SMARCA2: variants seen among roughly 807,000 people sequenced by gnomAD.
The protein encoded by SMARCA2 is SWI/SNF-related matrix-associated actin-dependent regulator of chromatin subfamily A member 2.
In SMARCA2, 61 loss-of-function variants were observed where a neutral mutation model predicts 199.8. The observed-to-expected ratio is 0.31, with a 90% CI of 0.25 to 0.38. The LOEUF (loss-of-function observed/expected upper bound fraction) is 0.38. Ranked by LOEUF, SMARCA2 falls within the 10% of genes least tolerant of loss-of-function variation. The pLI is 1.00. For synonymous variants in SMARCA2, 935 were observed against 732.0 expected, an observed-to-expected ratio of 1.28 and a Z score of -4.48; for missense variants, 1,344 against 2,012.2, an observed-to-expected ratio of 0.67 and a Z score of 6.35.
rs114450854 is a variant in SMARCA2 at position 2,103,905 on chromosome 9, A to G, written c.3126-98A>G. 5.6e-4 allele frequency: 491 copies of G among 870,406 alleles called. 2 individuals carry two copies. In the African/African-American group the frequency reaches 7.7e-3, roughly 14 times the overall value. 53.9% of individuals were successfully genotyped at this position (870,406 alleles called of 1,614,324 possible). ...TCACAGTTACTTATTGAATGTTTAC[A>G]GTGTACAAAGGACTATATGAAAAGC... On this transcript the variant is annotated intron_variant, in intron 22 of 33. Coordinates refer to ENST00000349721, the MANE Select transcript of SMARCA2 (RefSeq NM_003070.5).
intron 4 of SMARCA2, chr9:2,044,908 T>G (rs1385749449): frequency 1.3e-5 from 2 of 152,196 alleles, no homozygotes; most frequent in African/African-American, 4.8e-5. Flanking sequence ...AGGCGGTCCA[T>G]GCATATATCA....
chr9:2,123,957 C>G lies in SMARCA2; in HGVS notation c.3981+20C>G. The G allele has an allele frequency of 4.5e-6, 7 of 1,540,756 alleles. No homozygotes were observed. Among genetic ancestry groups the G allele is most frequent in the Non-Finnish European group, 4.4e-6 (5 of 1,137,700 alleles). On this transcript the variant is annotated intron_variant, in intron 27 of 33. Coordinates refer to ENST00000349721, the MANE Select transcript of SMARCA2 (RefSeq NM_003070.5). The surrounding 1 kb of genome is among the most constrained non-coding windows in gnomAD (Gnocchi z 4.1). The stretch of plus-strand genomic sequence containing the variant: ...CTAAGGGTAAGCCTAGCTTTTCTAA[C>G]CCGCTCTCACTAGGTGGAGGGTTTT...
In SMARCA2 at chr9:2,192,852, T is replaced by C. The variant is rs1827984477; in HGVS notation, c.*113T>C. On this transcript the variant is annotated 3_prime_UTR_variant, in exon 34 of 34. Coordinates refer to ENST00000349721, the MANE Select transcript of SMARCA2 (RefSeq NM_003070.5). ...CTGGGTTGTTTCTATATCATCATCG[T>C]CTATAAACTAGCTTTAGGATAGTGC... The C allele has an allele frequency of 1.3e-6, 1 of 770,718 alleles. No homozygotes were observed. The highest frequency in any genetic ancestry group is 2.1e-5 in the Admixed American group (1 of 48,172). The allele number at this position is 770,718 out of a possible 1,614,324, so 47.7% of individuals were successfully genotyped here.
intron 27 of SMARCA2, among the ~76,000 whole-genome samples, chr9:2,140,748 A>C (rs892216224): frequency 2.0e-5 from 3 of 152,188 alleles, no homozygotes; most frequent in Non-Finnish European, 4.4e-5. Flanking sequence ...CATTACATTC[A>C]GAATTATTTT....
rs1021896778 is a variant in SMARCA2, at chr9:2,040,024, C to G, written c.790+124C>G. The G allele has an allele frequency of 2.7e-6, 4 of 1,492,664 alleles. No individual in the cohort carries two copies. In the African/African-American group the frequency reaches 4.2e-5, roughly 16 times the overall value. 92.5% of individuals were successfully genotyped at this position (1,492,664 alleles called of 1,614,324 possible). On this transcript the variant is annotated intron_variant, in intron 4 of 33. Coordinates refer to ENST00000349721, the MANE Select transcript of SMARCA2 (RefSeq NM_003070.5). Reference sequence around the variant, plus strand: ...GTAGCCTTTTGTTATACCTCACTGGCTCTCTATCCTTGCTCCACTTAGATG... The same window carrying G: ...GTAGCCTTTTGTTATACCTCACTGGGTCTCTATCCTTGCTCCACTTAGATG...
intron 5 of SMARCA2, among the ~76,000 whole-genome samples, chr9:2,053,764 G>A (rs1433289975): frequency 6.6e-6 from 1 of 152,170 alleles, no homozygotes; most frequent in Non-Finnish European, 1.5e-5. Context: ...ATAGGATTCA[G>A]GTGAACTCTA....
At chr9:2,157,805 C>T (rs1018620570) in intron 27 of SMARCA2, 1 of 398,080 alleles carries the variant, frequency 2.5e-6, no homozygotes, top group Non-Finnish European at 4.4e-6. Flanking sequence ...CCACGCATAA[C>T]AGCAATTCTT....
At chr9:2,108,383 C>T (rs1050101147) in intron 23 of SMARCA2, among the ~76,000 whole-genome samples, 1 of 152,226 alleles carries the variant, frequency 6.6e-6, no homozygotes, top group Non-Finnish European at 1.5e-5. Flanking sequence ...ACAAAAATAA[C>T]AAAAAGCAAG....
At chr9:2,181,361 G>T (rs577449115) in intron 29 of SMARCA2, 125 of 442,020 alleles carry the variant, frequency 2.8e-4, no homozygotes, top group African/African-American at 2.4e-3. Context: ...ACAGAAGTGG[G>T]GACCAAATTG....
intron 27 of SMARCA2, among the ~76,000 whole-genome samples, chr9:2,142,196 G>A (rs1280354784): frequency 6.6e-6 from 1 of 152,192 alleles, no homozygotes; most frequent in African/African-American, 2.4e-5. Flanking sequence ...CGTCTTGGGT[G>A]ACACTGGACA....
intron 13 of SMARCA2, among the ~76,000 whole-genome samples, chr9:2,076,630 G>C (rs561895582): frequency 6.6e-6 from 1 of 151,346 alleles, no homozygotes. Flanking sequence ...CACACCTGTC[G>C]TCTGCACCTC....
At chr9:2,167,013 T>G (rs1563819183) in intron 28 of SMARCA2, among the ~76,000 whole-genome samples, 1 of 152,234 alleles carries the variant, frequency 6.6e-6, no homozygotes, top group African/African-American at 2.4e-5. Flanking sequence ...GGCATCTGAA[T>G]AATTTCTTCT....
chr9:2,186,328 C>A, intron 32 of SMARCA2, 100 bp downstream of exon 32: 1 of 1,271,874 alleles, frequency 7.9e-7, no homozygotes, highest in South Asian at 1.5e-5. Context: ...TGGGGCAGAT[C>A]TGGATTGGAG....
chr9:2,182,764 G>A (rs1586808291), intron 31 of SMARCA2, among the ~76,000 whole-genome samples: 1 of 150,384 alleles, frequency 6.6e-6, no homozygotes, highest in African/African-American at 2.5e-5. Context: ...CAAAGTGTTG[G>A]GATTACAGGC....
chr9:2,067,050 G>A (rs1820873589), intron 9 of SMARCA2, among the ~76,000 whole-genome samples: 1 of 152,212 alleles, frequency 6.6e-6, no homozygotes, highest in South Asian at 2.1e-4. Flanking sequence ...GATGGGAGGA[G>A]TTGATATCTC....
intron 1 of SMARCA2, among the ~76,000 whole-genome samples, chr9:2,028,330 A>G (rs1314283348): frequency 6.7e-6 from 1 of 149,014 alleles, no homozygotes; most frequent in African/African-American, 2.5e-5. Context: ...TGCTGAGACT[A>G]CAGCTGTGTT....
intron 28 of SMARCA2, among the ~76,000 whole-genome samples, chr9:2,163,697 G>C (rs974310359): frequency 6.6e-6 from 1 of 152,192 alleles, no homozygotes; most frequent in Non-Finnish European, 1.5e-5. Flanking sequence ...GCTGTGATGT[G>C]TGACAGGCAT....
At chr9:2,053,119 C>G (rs1020438387) in intron 5 of SMARCA2, among the ~76,000 whole-genome samples, 5 of 152,106 alleles carry the variant, frequency 3.3e-5, no homozygotes, top group African/African-American at 1.2e-4. Flanking sequence ...TCCCTTCCTG[C>G]GCTCCCTCCC....
chr9:2,074,776 A>G (rs766200810), intron 12 of SMARCA2, among the ~76,000 whole-genome samples: 1 of 152,182 alleles, frequency 6.6e-6, no homozygotes, highest in Non-Finnish European at 1.5e-5. Flanking sequence ...CTGAGGTAGG[A>G]GGATGGCTTG....
Sources: allele counts gnomAD v4.1 joint callset (sites outside exome capture counted in the v4.1 genomes callset), GRCh38; gene constraint gnomAD v4.1.1; non-coding constraint Gnocchi (gnomAD v3.1); transcripts MANE v1.5; gene names NCBI Gene and HGNC (gene_info 2026-07-23, HGNC 2026-07-21).